Variants in SDK1 observed in about 807,000 individuals in gnomAD.
The protein encoded by SDK1 is protein sidekick-1.
In SDK1, 157 loss-of-function variants were observed where a neutral mutation model predicts 245.5. The ratio of observed to expected loss-of-function variants is 0.64; its 90% CI spans 0.56 to 0.73. The LOEUF is 0.73. SDK1 is among the 30% of genes least tolerant of loss of function. The pLI is 0.00. For missense variants in SDK1, 3,583 were observed against 3,002.3 expected (o/e 1.19, Z -4.52); for synonymous variants, 1,647 against 1,278.5 (o/e 1.29, Z -6.15).
chr7:4,261,311 C>G (rs1431707104), intron 44 of SDK1, among the ~76,000 whole-genome samples: 1 of 152,142 alleles, frequency 6.6e-6, no homozygotes, highest in Admixed American at 6.5e-5. Flanking sequence ...ACTCACCGCA[C>G]CCAGGGACGC....
chr7:4,143,585 G>T (rs1779731027), intron 28 of SDK1, among the ~76,000 whole-genome samples: 1 of 152,208 alleles, frequency 6.6e-6, no homozygotes, highest in South Asian at 2.1e-4. Context: ...CCAGCCCAGA[G>T]GTGCACCCCC....
At chr7:3,845,977 G>A (rs766420949) in intron 5 of SDK1, among the ~76,000 whole-genome samples, 19 of 152,142 alleles carry the variant, frequency 1.2e-4, no homozygotes, top group African/African-American at 2.9e-4. Flanking sequence ...ATTTTAGACC[G>A]TATTCCCAAT....
chr7:3,453,744 A>AT (rs59372945), intron 1 of SDK1, among the ~76,000 whole-genome samples: 19 of 150,640 alleles, frequency 1.3e-4, no homozygotes, highest in East Asian at 1.2e-3. Flanking sequence ...TGTCTGGCTA[A>AT]TTTTTTTTTT....
At chr7:3,798,298 A>G (rs1779016957) in intron 4 of SDK1, among the ~76,000 whole-genome samples, 1 of 146,758 alleles carries the variant, frequency 6.8e-6, no homozygotes, top group African/African-American at 2.5e-5. Flanking sequence ...GCTCACTGCA[A>G]GCTCTACCTC....
At chr7:4,171,410 C>T (rs544597708) in intron 32 of SDK1, among the ~76,000 whole-genome samples, 120 of 152,328 alleles carry the variant, frequency 7.9e-4, no homozygotes, top group African/African-American at 2.8e-3. Context: ...CTGGGATGCC[C>T]AGTTACATCT....
intron 14 of SDK1, among the ~76,000 whole-genome samples, chr7:3,995,238 C>T (rs998333747): frequency 2.0e-5 from 3 of 152,214 alleles, no homozygotes; most frequent in Non-Finnish European, 2.9e-5. Context: ...CTTTGCTCAC[C>T]GAATCTGGGA....
intron 5 of SDK1, among the ~76,000 whole-genome samples, chr7:3,934,949 C>T (rs1466292590): frequency 6.6e-6 from 1 of 152,192 alleles, no homozygotes; most frequent in Non-Finnish European, 1.5e-5. Flanking sequence ...GTGCAAAGCC[C>T]CTTCGGTGTT....
intron 5 of SDK1, among the ~76,000 whole-genome samples, chr7:3,860,021 G>A (rs931582495): frequency 5.9e-5 from 9 of 151,658 alleles, no homozygotes; most frequent in Admixed American, 2.0e-4. Context: ...CCAGGTTCAC[G>A]CCATTCTCCT....
At position 3,316,779 on chromosome 7, in the gene SDK1, C is replaced by T. The variant is rs114245153; in HGVS notation, c.298+14895C>T. ...TTGCCCATCCCGAGGTTTGGATGTT[C>T]AGTTTCTCCTGAAGTCTACAGTATT... On this transcript the variant is annotated intron_variant, in intron 1 of 44. Transcript: ENST00000404826. 2.6e-3 allele frequency among the ~76,000 whole-genome samples: 391 copies of T among 152,260 alleles called. 5 individuals carry two copies. The highest frequency in any genetic ancestry group is 9.0e-3 in the African/African-American group (375 of 41,574).
intron 18 of SDK1, among the ~76,000 whole-genome samples, chr7:4,050,338 C>A (rs771349320): frequency 1.3e-5 from 2 of 152,206 alleles, no homozygotes; most frequent in African/African-American, 4.8e-5. Flanking sequence ...CCCTGCCTTT[C>A]GTTTACCCTC....
chr7:3,888,627 T>C (rs1271084513), intron 5 of SDK1, among the ~76,000 whole-genome samples: 1 of 152,234 alleles, frequency 6.6e-6, no homozygotes, highest in African/African-American at 2.4e-5. Flanking sequence ...GGAGTGACTT[T>C]GATAAATTAT....
At chr7:3,940,063 C>A (rs953798253) in intron 5 of SDK1, among the ~76,000 whole-genome samples, 1 of 151,928 alleles carries the variant, frequency 6.6e-6, no homozygotes, top group African/African-American at 2.4e-5. Flanking sequence ...GGAGGATGGC[C>A]GGAGCCACCC....
rs74536606 is a variant in SDK1 at position 3,761,779 on chromosome 7, G to A, written c.714-59671G>A. On this transcript the variant is annotated intron_variant, in intron 4 of 44. Transcript: ENST00000404826. ...TTATGAAATCATGCAGGACAGGAAC[G>A]CTGAGGTTAAATACAAACTGACAAC... Among the ~76,000 whole-genome samples, 302 of 152,162 alleles carry A rather than the reference G, an allele frequency of 2.0e-3. 1 individual carries two copies. Among genetic ancestry groups the A allele is most frequent in the African/African-American group, 7.0e-3 (289 of 41,522 alleles).
intron 5 of SDK1, among the ~76,000 whole-genome samples, chr7:3,848,909 A>G (rs1259339116): frequency 6.6e-6 from 1 of 151,984 alleles, no homozygotes; most frequent in Non-Finnish European, 1.5e-5. Context: ...TGACCTTATG[A>G]TCCGCCCACC....
At chr7:4,113,045 C>T (rs995265270) in intron 23 of SDK1, among the ~76,000 whole-genome samples, 9 of 152,068 alleles carry the variant, frequency 5.9e-5, no homozygotes, top group African/African-American at 1.2e-4. Flanking sequence ...TTTGATCCCC[C>T]GCCACCGCCT....
At chr7:3,754,873 C>T (rs945741761) in intron 4 of SDK1, among the ~76,000 whole-genome samples, 1 of 152,176 alleles carries the variant, frequency 6.6e-6, no homozygotes, top group Non-Finnish European at 1.5e-5. Context: ...AAGGGAATCG[C>T]AGCACAGGGG....
In SDK1 at chr7:3,426,993, T is replaced by C. The variant is rs193044383; in HGVS notation, c.298+125109T>C. On this transcript the variant is annotated intron_variant, in intron 1 of 44. Coordinates refer to ENST00000404826, the MANE Select transcript of SDK1 (RefSeq NM_152744.4). The stretch of plus-strand genomic sequence containing the variant: ...CTCATCAGATACTTTATGAACATCA[T>C]ATATTCTAATTCTTACTATACCTTT... Among the ~76,000 whole-genome samples, 11 of 152,334 alleles carry C rather than the reference T, an allele frequency of 7.2e-5. No homozygotes were observed. In the East Asian group the frequency reaches 2.1e-3, roughly 29 times the overall value.
At chr7:3,879,570 T>G (rs772313327) in intron 5 of SDK1, among the ~76,000 whole-genome samples, 86 of 152,224 alleles carry the variant, frequency 5.6e-4, no homozygotes, top group Non-Finnish European at 1.0e-3. Context: ...TACCGGCTCC[T>G]GGCAGCCAGC....
chr7:4,208,155 C>T lies in SDK1; in HGVS notation c.5271C>T (p.Phe1757=), dbSNP rs1784329536. 1.2e-6 allele frequency: 2 copies of T among 1,613,954 alleles called. No homozygotes were observed. Among genetic ancestry groups the T allele is most frequent in the South Asian group, 1.1e-5 (1 of 91,082 alleles). The change falls in exon 37 of 45, where the codon TTC becomes TTT. Residue 1757 remains phenylalanine (F), a synonymous_variant. Transcript: ENST00000404826. ...QNETEKMKVL[F]LPEPVVRLKN... ...AAACGGAGAAAATGAAGGTCCTCTT[C>T]CTCCCCGAGCCCGTGGTGAGGCTGA...
Sources: allele counts gnomAD v4.1 joint callset (sites outside exome capture counted in the v4.1 genomes callset), GRCh38; gene constraint gnomAD v4.1.1; transcripts MANE v1.5; gene names NCBI Gene and HGNC (gene_info 2026-07-23, HGNC 2026-07-21).